Variants in COL4A3 observed in about 807,000 individuals in gnomAD.
COL4A3 encodes the protein collagen type IV alpha 3 chain, also known as collagen alpha-3(IV) chain.
Under a neutral mutation model 217.4 loss-of-function variants are expected in COL4A3, and 135 were observed. The observed-to-expected ratio is 0.62, with a 90% CI of 0.54 to 0.72. The LOEUF is 0.72. COL4A3 is among the 30% of genes least tolerant of loss of function. The probability of loss-of-function intolerance (pLI) is 0.00; values close to 1 mark genes in which losing one functional copy is unlikely to be tolerated. For synonymous variants in COL4A3, 690 were observed against 736.3 expected, an observed-to-expected ratio of 0.94 and a Z score of 1.02; for missense variants, 1,868 against 2,119.9, an observed-to-expected ratio of 0.88 and a Z score of 2.33.
intron 18 of COL4A3, among the ~76,000 whole-genome samples, chr2:227,257,861 T>C (rs924724307): frequency 6.6e-6 from 1 of 152,190 alleles, no homozygotes; most frequent in Non-Finnish European, 1.5e-5. Flanking sequence ...GTGATGCCCA[T>C]GATGGGCTAT....
rs1574832945 is a variant in COL4A3, at chr2:227,303,074, G to A, written c.3919G>A (p.Gly1307Ser). ...TACTCCAGGTCTTCCAGGACCCAGAGGTGATCCTGGATTCCAGGGGTTTCC... is the reference window on the plus strand; with the variant it reads ...TACTCCAGGTCTTCCAGGACCCAGAAGTGATCCTGGATTCCAGGGGTTTCC... ...PGTPGLPGPR[G>S]DPGFQGFPGV... The change falls in exon 44 of 52, where the codon GGT becomes AGT. Residue 1307 changes from glycine to serine, a missense_variant. This residue lies in a region of COL4A3 where 1,503 missense variants were observed against 1,786.1 expected (regional missense o/e 0.84). Coordinates refer to ENST00000396578, the MANE Select transcript of COL4A3 (RefSeq NM_000091.5). 1.9e-6 allele frequency: 3 copies of A among 1,614,010 alleles called. No individual in the cohort carries two copies. Among genetic ancestry groups the A allele is most frequent in the East Asian group, 2.2e-5 (1 of 44,866 alleles).
In COL4A3 at chr2:227,300,292, G is replaced by A. The variant is rs540694456; in HGVS notation, c.3882+1480G>A. Among the ~76,000 whole-genome samples the A allele has an allele frequency of 1.5e-3, 231 of 152,224 alleles. 2 individuals carry two copies. Among genetic ancestry groups the A allele is most frequent in the Admixed American group, 2.6e-3 (39 of 15,294 alleles). ...ACCTACCTGTCTCCACATTGTGCCT[G>A]TAATCAACTAAAGCCCATGGGCCTT... On this transcript the variant is annotated intron_variant, in intron 43 of 51. Coordinates refer to ENST00000396578, the MANE Select transcript of COL4A3 (RefSeq NM_000091.5).
intron 1 of COL4A3, among the ~76,000 whole-genome samples, chr2:227,171,656 A>G (rs1023897927): frequency 1.3e-5 from 2 of 152,124 alleles, no homozygotes; most frequent in East Asian, 1.9e-4. Flanking sequence ...CAGGGTGCCA[A>G]ATTGTTCCTG....
intron 27 of COL4A3, 77 bp downstream of exon 27, chr2:227,276,554 C>T: frequency 1.8e-6 from 2 of 1,115,184 alleles, no homozygotes; most frequent in African/African-American, 1.5e-5. Context: ...AAATACTGTC[C>T]CCATTATAAG....
At chr2:227,195,998 A>G (rs1169769696) in intron 1 of COL4A3, among the ~76,000 whole-genome samples, 2 of 152,120 alleles carry the variant, frequency 1.3e-5, no homozygotes, top group Non-Finnish European at 2.9e-5. Flanking sequence ...GAGAAAGAAA[A>G]TATTTCTGTA....
chr2:227,254,683 G>A lies in COL4A3; in HGVS notation c.856G>A (p.Glu286Lys). The A allele has an allele frequency of 6.2e-7, 1 of 1,613,616 alleles. No homozygotes were observed. Among genetic ancestry groups the A allele is most frequent in the Non-Finnish European group, 8.5e-7 (1 of 1,179,566 alleles). ...SGLPGESYGS[E>K]KGAPGDPGLQ... Reference sequence around the variant, plus strand: ...ACTGCCTGGAGAATCATATGGATCTGAAAAGGGTGCTCCTGGAGACCCTGG... The same window carrying A: ...ACTGCCTGGAGAATCATATGGATCTAAAAAGGGTGCTCCTGGAGACCCTGG... Residue 286 changes from glutamate (E) to lysine (K), a missense_variant, in exon 15 of 52, where the codon GAA becomes AAA. Around this residue, in one of 2 missense-constraint regions of COL4A3, gnomAD observed 1,503 missense variants for 1,786.1 expected, o/e 0.84. Coordinates refer to ENST00000396578, the MANE Select transcript of COL4A3 (RefSeq NM_000091.5).
At chr2:227,305,872 CT>C (rs2073480252) in intron 47 of COL4A3, among the ~76,000 whole-genome samples, 1 of 152,160 alleles carries the variant, frequency 6.6e-6, no homozygotes, top group East Asian at 1.9e-4. Context: ...GGATTGCTGA[CT>C]TTGTTAAAGC....
chr2:227,215,939 C>G (rs1386671250), intron 1 of COL4A3, among the ~76,000 whole-genome samples: 1 of 152,204 alleles, frequency 6.6e-6, no homozygotes, highest in Non-Finnish European at 1.5e-5. Flanking sequence ...CATAGATGAA[C>G]CTTGAGTTCC....
At chr2:227,257,750 T>C (rs2070281265) in intron 18 of COL4A3, 106 bp downstream of exon 18, 1 of 1,034,138 alleles carries the variant, frequency 9.7e-7, no homozygotes, top group Admixed American at 1.7e-5. Context: ...AGAGAGATTA[T>C]AACATTTACC....
intron 1 of COL4A3, among the ~76,000 whole-genome samples, chr2:227,197,087 G>A (rs951615373): frequency 2.6e-4 from 40 of 151,710 alleles, no homozygotes; most frequent in Non-Finnish European, 4.6e-4. Flanking sequence ...CATGTAAGAT[G>A]TGCCTTTCGC....
At chr2:227,210,494 A>G (rs111795154) in intron 1 of COL4A3, among the ~76,000 whole-genome samples, 11,006 of 146,406 alleles carry the variant, frequency 0.075, 636 homozygotes, top group East Asian at 0.2. Flanking sequence ...GGAGGCTGAG[A>G]CAGGAGAATT....
rs369663275 is a variant in COL4A3, at chr2:227,296,477, A to G, written c.3565+1161A>G. On this transcript the variant is annotated intron_variant, in intron 41 of 51. Transcript: ENST00000396578. Reference sequence around the variant, plus strand: ...TGTAAGTGAATGATTATGCACCTCAATCCCTCTAGGATAACTAAATATGGA... The same window carrying G: ...TGTAAGTGAATGATTATGCACCTCAGTCCCTCTAGGATAACTAAATATGGA... The G allele has an allele frequency of 5.1e-5, 50 of 980,786 alleles. No homozygotes were observed. In the East Asian group the frequency reaches 2.3e-3, roughly 45 times the overall value. 60.8% of individuals were successfully genotyped at this position (980,786 alleles called of 1,614,324 possible). A position where few individuals can be genotyped will look rare whatever the true frequency, so the allele number is the denominator to read the frequency against.
chr2:227,246,845 G>A, intron 7 of COL4A3, 107 bp downstream of exon 7: 1 of 951,300 alleles, frequency 1.1e-6, no homozygotes, highest in Non-Finnish European at 1.7e-6. Flanking sequence ...GGGAAGTCTG[G>A]GGTAGCCATA....
Position 227,311,818 on chromosome 2 carries a change from A to G in COL4A3, c.4961A>G (p.Glu1654Gly), listed in dbSNP as rs1467017246. 1 of 1,614,054 alleles carries G rather than the reference A, an allele frequency of 6.2e-7. No homozygotes were observed. Among genetic ancestry groups the G allele is most frequent in the East Asian group, 2.2e-5 (1 of 44,864 alleles). The part of the protein sequence containing the change: ...KPIPSTVKAG[E>G]LEKIISRCQV... ...ATTCCATCAACTGTGAAAGCTGGGG[A>G]ATTAGAAAAAATAATAAGTCGCTGT... is the stretch of plus-strand genomic sequence containing the variant. The change falls in exon 52 of 52, where the codon GAA (glutamate) becomes GGA (glycine). Residue 1654 changes from glutamate to glycine, a missense_variant. Around this residue, in one of 2 missense-constraint regions of COL4A3, gnomAD observed 1,503 missense variants for 1,786.1 expected, o/e 0.84. Transcript: ENST00000396578.
At chr2:227,204,560 G>T (rs1007052926) in intron 1 of COL4A3, among the ~76,000 whole-genome samples, 3 of 152,162 alleles carry the variant, frequency 2.0e-5, no homozygotes, top group African/African-American at 7.2e-5. Flanking sequence ...GATTGTCTGG[G>T]ATTCTAAAGA....
chr2:227,181,308 C>T (rs956759428), intron 1 of COL4A3, among the ~76,000 whole-genome samples: 1 of 152,120 alleles, frequency 6.6e-6, no homozygotes, highest in Non-Finnish European at 1.5e-5. Flanking sequence ...GCATCAGGGT[C>T]GGCAGTATAA....
chr2:227,302,954 C>A, intron 43 of COL4A3, 84 bp from the exon 44 acceptor site: 1 of 825,416 alleles, frequency 1.2e-6, no homozygotes, highest in Non-Finnish European at 2.1e-6. Flanking sequence ...AATATTATAC[C>A]CTATTTGCAT....
chr2:227,208,027 C>T (rs1230733421), intron 1 of COL4A3, among the ~76,000 whole-genome samples: 1 of 150,810 alleles, frequency 6.6e-6, no homozygotes, highest in Non-Finnish European at 1.5e-5. Flanking sequence ...CGCCCCCCCA[C>T]ACACACGAAA....
At chr2:227,259,587 A>G (rs2070411848) in intron 18 of COL4A3, among the ~76,000 whole-genome samples, 1 of 152,250 alleles carries the variant, frequency 6.6e-6, no homozygotes, top group African/African-American at 2.4e-5. Flanking sequence ...AATATCTGAT[A>G]CTGTGATACC....
Sources: gnomAD v4.1 joint callset for allele counts (sites outside exome capture counted in the v4.1 genomes callset) on GRCh38, gnomAD v4.1.1 for gene constraint, gnomAD v4.1.1 regional missense constraint, MANE v1.5 for transcripts, NCBI Gene and HGNC (gene_info 2026-07-23, HGNC 2026-07-21) for gene names.